Variants in RORA observed in about 807,000 individuals in gnomAD.
RORA encodes RAR related orphan receptor A, also known as nuclear receptor ROR-alpha.
Under a neutral mutation model 69.5 loss-of-function variants are expected in RORA, and 7 were observed. The observed-to-expected ratio is 0.10, with a 90% confidence interval of 0.06 to 0.19. The LOEUF (loss-of-function observed/expected upper bound fraction) is 0.19, where lower values mean the gene tolerates loss of function less well. Ranked by LOEUF, RORA falls within the 10% of genes least tolerant of loss-of-function variation. The probability of loss-of-function intolerance (pLI) is 1.00; values close to 1 mark genes in which losing one functional copy is unlikely to be tolerated. For synonymous variants in RORA, 261 were observed against 240.8 expected, an observed-to-expected ratio of 1.08 and a Z score of -0.78; for missense variants, 457 against 663.0, an observed-to-expected ratio of 0.69 and a Z score of 3.41.
chr15:61,226,012 G>C lies in RORA; in HGVS notation c.166+3041C>G, dbSNP rs1186669323. On this transcript the variant is annotated intron_variant, in intron 1 of 10. Transcript: ENST00000335670. The surrounding 1 kb of genome is among the most constrained non-coding windows in gnomAD (Gnocchi z 4.2). ...GCAGTTTTATGGACAGGGGAAGGTC[G>C]TCTTTCAGATTATAAAGTCACACAC... is the stretch of plus-strand genomic sequence containing the variant. Among the ~76,000 whole-genome samples, 1 of 152,132 alleles carries C rather than the reference G, an allele frequency of 6.6e-6. No individual in the cohort carries two copies. The highest frequency in any genetic ancestry group is 2.4e-5 in the African/African-American group (1 of 41,406).
chr15:60,942,290 C>T (rs563348038), intron 1 of RORA, among the ~76,000 whole-genome samples: 8 of 152,284 alleles, frequency 5.3e-5, no homozygotes, highest in East Asian at 3.9e-4. Flanking sequence ...AAGGCTGCCT[C>T]GCCTGTAAAC....
chr15:60,953,735 C>T (rs1442499167), intron 1 of RORA, among the ~76,000 whole-genome samples: 2 of 151,882 alleles, frequency 1.3e-5, no homozygotes, highest in Non-Finnish European at 2.9e-5. Context: ...ATCAAAACCA[C>T]TATGAGATAC....
intron 1 of RORA, among the ~76,000 whole-genome samples, chr15:61,187,456 CA>C (rs1375315322): frequency 1.3e-5 from 2 of 152,006 alleles, no homozygotes; most frequent in Admixed American, 6.6e-5. Context: ...GAAGAGCCTC[CA>C]GGGGGAGGAT....
intron 1 of RORA, among the ~76,000 whole-genome samples, chr15:61,117,974 T>A (rs937343012): frequency 3.3e-5 from 5 of 152,216 alleles, no homozygotes; most frequent in African/African-American, 1.2e-4. Flanking sequence ...ACTTGATAAC[T>A]CTGCAACCTC....
chr15:60,627,278 T>C (rs1356130337), intron 2 of RORA: 1 of 1,614,194 alleles, frequency 6.2e-7, no homozygotes, highest in Admixed American at 1.7e-5. Flanking sequence ...GTGGCAGACA[T>C]TCTGGCCTGT....
intron 1 of RORA, among the ~76,000 whole-genome samples, chr15:60,796,396 G>A (rs1373472909): frequency 6.6e-6 from 1 of 152,056 alleles, no homozygotes; most frequent in Non-Finnish European, 1.5e-5. Flanking sequence ...TGACCAGGTC[G>A]GTATAAGCTT....
chr15:60,947,825 C>T (rs1892943979), intron 1 of RORA, among the ~76,000 whole-genome samples: 1 of 151,466 alleles, frequency 6.6e-6, no homozygotes, highest in Non-Finnish European at 1.5e-5. Flanking sequence ...GGTACCTAAA[C>T]AAGGTATTGG....
intron 1 of RORA, among the ~76,000 whole-genome samples, chr15:60,878,127 C>T (rs1005708782): frequency 4.8e-5 from 7 of 145,670 alleles, no homozygotes; most frequent in Non-Finnish European, 9.0e-5. Flanking sequence ...GAGATCGATG[C>T]CATCCTGGCT....
intron 1 of RORA, among the ~76,000 whole-genome samples, chr15:60,954,810 G>A (rs1044889934): frequency 6.6e-6 from 1 of 152,138 alleles, no homozygotes; most frequent in Non-Finnish European, 1.5e-5. Flanking sequence ...CACTTGAAGG[G>A]CCTCATTCAG....
At chr15:60,678,508 C>T (rs752802317) in intron 2 of RORA, 149 bp downstream of exon 2, 36 of 663,914 alleles carry the variant, frequency 5.4e-5, no homozygotes, top group African/African-American at 1.3e-4. Flanking sequence ...GTGCCACTTC[C>T]GACCACTACA....
At chr15:60,553,691 G>A (rs1017312174) in intron 2 of RORA, among the ~76,000 whole-genome samples, 6 of 152,128 alleles carry the variant, frequency 3.9e-5, no homozygotes, top group South Asian at 4.1e-4. Flanking sequence ...TTGTAAAGGT[G>A]CCCTCTGCCC....
At chr15:61,078,139 T>A (rs1193042679) in intron 1 of RORA, among the ~76,000 whole-genome samples, 1 of 152,216 alleles carries the variant, frequency 6.6e-6, no homozygotes, top group Non-Finnish European at 1.5e-5. Flanking sequence ...ATGTGCCAAG[T>A]CCACACTAAA....
intron 1 of RORA, among the ~76,000 whole-genome samples, chr15:61,003,586 T>C (rs1894815024): frequency 6.6e-6 from 1 of 152,216 alleles, no homozygotes; most frequent in Non-Finnish European, 1.5e-5. Flanking sequence ...ATAAGCTTAT[T>C]GTAGTCACAC....
At chr15:60,630,888 C>CTTT (rs542275787) in intron 2 of RORA, among the ~76,000 whole-genome samples, 2 of 109,894 alleles carry the variant, frequency 1.8e-5, no homozygotes, top group Non-Finnish European at 3.5e-5. Flanking sequence ...ATGAGACTTT[C>CTTT]TTTTTTTTTT....
intron 1 of RORA, among the ~76,000 whole-genome samples, chr15:60,904,244 C>A (rs908875058): frequency 6.6e-6 from 1 of 152,126 alleles, no homozygotes; most frequent in Non-Finnish European, 1.5e-5. Context: ...ATGATATGAG[C>A]GTCCTGGCTG....
At chr15:61,159,219 A>C (rs1408605423) in intron 1 of RORA, among the ~76,000 whole-genome samples, 2 of 152,146 alleles carry the variant, frequency 1.3e-5, no homozygotes, top group African/African-American at 4.8e-5. Context: ...CCCATTTATC[A>C]GCCTTTTTGA....
At chr15:60,882,884 G>A (rs2073700978) in intron 1 of RORA, among the ~76,000 whole-genome samples, 1 of 152,012 alleles carries the variant, frequency 6.6e-6, no homozygotes, top group Non-Finnish European at 1.5e-5. Context: ...ACTATATAGG[G>A]AGGCCGAAGT....
chr15:60,586,446 T>G (rs1480443240), intron 2 of RORA, among the ~76,000 whole-genome samples: 1 of 151,702 alleles, frequency 6.6e-6, no homozygotes, highest in African/African-American at 2.4e-5. Context: ...AGATATTACG[T>G]ATTAGAGGGG....
chr15:60,887,346 G>T (rs1259067053), intron 1 of RORA, among the ~76,000 whole-genome samples: 1 of 152,122 alleles, frequency 6.6e-6, no homozygotes, highest in Non-Finnish European at 1.5e-5. Context: ...GCTGTCATGG[G>T]GGGTGCATGC....
Sources: allele counts gnomAD v4.1 joint callset (sites outside exome capture counted in the v4.1 genomes callset), GRCh38; gene constraint gnomAD v4.1.1; non-coding constraint Gnocchi (gnomAD v3.1); transcripts MANE v1.5; gene names NCBI Gene and HGNC (gene_info 2026-07-23, HGNC 2026-07-21).